RAB28: variants seen among roughly 807,000 people sequenced by gnomAD.
The protein encoded by RAB28 is ras-related protein Rab-28.
A neutral mutation model predicts 31.7 loss-of-function variants in RAB28; 24 were observed. The ratio of observed to expected loss-of-function variants is 0.76; its 90% CI spans 0.55 to 1.06. RAB28 has a LOEUF of 1.06. Ranked by LOEUF, RAB28 falls within the 50% of genes least tolerant of loss-of-function variation. RAB28 has a pLI of 0.00. For missense variants in RAB28, 254 were observed against 258.5 expected (o/e 0.98, Z 0.12); for synonymous variants, 100 against 90.4 (o/e 1.11, Z -0.60).
intron 4 of RAB28, among the ~76,000 whole-genome samples, chr4:13,431,611 T>C (rs974679003): frequency 6.6e-5 from 10 of 152,000 alleles, no homozygotes; most frequent in Admixed American, 2.6e-4. Context: ...GTGTCAGCCC[T>C]TATATCCAAT....
intron 4 of RAB28, among the ~76,000 whole-genome samples, chr4:13,402,544 T>C (rs1464908430): frequency 3.3e-5 from 5 of 152,342 alleles, no homozygotes; most frequent in Admixed American, 3.3e-4. Context: ...ATATAGTTAC[T>C]TCAACTTTCT....
chr4:13,371,095 T>A (rs972557942), intron 6 of RAB28: 1 of 985,074 alleles, frequency 1.0e-6, no homozygotes, highest in East Asian at 1.1e-4. Context: ...TGTGACTACA[T>A]TTATAAATAA....
intron 4 of RAB28, among the ~76,000 whole-genome samples, chr4:13,412,741 G>A (rs1314056434): frequency 6.6e-6 from 1 of 152,018 alleles, no homozygotes; most frequent in Non-Finnish European, 1.5e-5. Flanking sequence ...AGTAGCCATG[G>A]AGCAAATGAA....
At chr4:13,415,939 A>G (rs558100888) in intron 4 of RAB28, among the ~76,000 whole-genome samples, 14 of 152,308 alleles carry the variant, frequency 9.2e-5, no homozygotes, top group African/African-American at 3.4e-4. Context: ...GTTTGTAAAC[A>G]CACCAATCAG....
At chr4:13,453,356 C>T (rs1341128080) in intron 4 of RAB28, among the ~76,000 whole-genome samples, 1 of 152,002 alleles carries the variant, frequency 6.6e-6, no homozygotes, top group Non-Finnish European at 1.5e-5. Context: ...TCCTTACTTC[C>T]TTATTGCTTA....
At chr4:13,391,008 G>C (rs537807461) in intron 4 of RAB28, among the ~76,000 whole-genome samples, 35 of 152,302 alleles carry the variant, frequency 2.3e-4, no homozygotes, top group African/African-American at 7.9e-4. Flanking sequence ...AGGACTTCAT[G>C]TCTAAAACAC....
At chr4:13,457,298 T>C (rs985495615) in intron 4 of RAB28, among the ~76,000 whole-genome samples, 2 of 152,112 alleles carry the variant, frequency 1.3e-5, no homozygotes, top group African/African-American at 2.4e-5. Flanking sequence ...AGAAAATAAG[T>C]ACATACTATT....
chr4:13,422,625 T>A lies in RAB28; in HGVS notation c.391+38074A>T, dbSNP rs563167876. On this transcript the variant is annotated intron_variant, in intron 4 of 6. Coordinates refer to ENST00000330852, the MANE Select transcript of RAB28 (RefSeq NM_001017979.3). ...GGGACATGGACGAAGCTGGAAACCATCATTCTCAGCAAACTATCTTAAGGA... is the reference window on the plus strand; with the variant it reads ...GGGACATGGACGAAGCTGGAAACCAACATTCTCAGCAAACTATCTTAAGGA... 3.9e-5 allele frequency among the ~76,000 whole-genome samples: 6 copies of A among 152,112 alleles called. No individual in the cohort carries two copies. In the South Asian group the frequency reaches 1.2e-3, roughly 32 times the overall value.
chr4:13,371,296 C>CG, intron 6 of RAB28: 3 of 985,156 alleles, frequency 3.0e-6, no homozygotes, highest in Non-Finnish European at 3.6e-6. Flanking sequence ...AGGTATGAAT[C>CG]GGGGGGTACA....
At chr4:13,463,808 T>G (rs550962457) in intron 3 of RAB28, among the ~76,000 whole-genome samples, 15 of 152,078 alleles carry the variant, frequency 9.9e-5, no homozygotes, top group Non-Finnish European at 2.2e-4. Flanking sequence ...TGTGGTGAAA[T>G]TCTGAGACGA....
intron 4 of RAB28, among the ~76,000 whole-genome samples, chr4:13,383,803 T>C (rs1287995969): frequency 6.6e-6 from 1 of 152,216 alleles, no homozygotes; most frequent in Admixed American, 6.5e-5. Context: ...AAGGCGTGCC[T>C]GTGCTCCCAC....
intron 3 of RAB28, among the ~76,000 whole-genome samples, chr4:13,462,977 C>A (rs927344677): frequency 1.6e-4 from 24 of 152,190 alleles, no homozygotes; most frequent in African/African-American, 5.8e-4. Flanking sequence ...GGATTCCAGT[C>A]CTGACCCCAT....
chr4:13,460,328 A>G (rs572910804), intron 4 of RAB28, among the ~76,000 whole-genome samples: 33 of 152,300 alleles, frequency 2.2e-4, no homozygotes, highest in African/African-American at 7.0e-4. Context: ...CTATCCTCAC[A>G]TGGCAGAGAG....
In RAB28 at chr4:13,390,917, A is replaced by G. The variant is rs192440347; in HGVS notation, c.392-9323T>C. Among the ~76,000 whole-genome samples, 520 of 152,338 alleles carry G rather than the reference A, an allele frequency of 3.4e-3. 3 individuals carry two copies. Among genetic ancestry groups the G allele is most frequent in the African/African-American group, 0.012 (479 of 41,578 alleles). On this transcript the variant is annotated intron_variant, in intron 4 of 6. Transcript: ENST00000330852. The stretch of plus-strand genomic sequence containing the variant: ...ACAAAAATTAATTCAAGATGGATTA[A>G]AGACTTAAATGTTAGACCTAAAACC...
intron 4 of RAB28, among the ~76,000 whole-genome samples, chr4:13,397,044 G>A (rs1729900392): frequency 6.6e-6 from 1 of 152,116 alleles, no homozygotes; most frequent in African/African-American, 2.4e-5. Context: ...TATTTGTTGA[G>A]TGAAGAGAAA....
intron 4 of RAB28, among the ~76,000 whole-genome samples, chr4:13,427,905 G>C (rs773073273): frequency 6.6e-6 from 1 of 152,134 alleles, no homozygotes. Context: ...TGCTTTATTC[G>C]GCTGGGAGCT....
At chr4:13,464,674 C>T (rs1239171308) in intron 3 of RAB28, among the ~76,000 whole-genome samples, 1 of 152,002 alleles carries the variant, frequency 6.6e-6, no homozygotes, top group Non-Finnish European at 1.5e-5. Flanking sequence ...CCTCTGGCAC[C>T]CACAGCTAAA....
intron 4 of RAB28, among the ~76,000 whole-genome samples, chr4:13,403,014 CGAACTCCT>C (rs1175996074): frequency 2.0e-5 from 3 of 152,070 alleles, no homozygotes; most frequent in Non-Finnish European, 4.4e-5. Context: ...TGGCTGATCT[CGAACTCCT>C]GAGCTCTGAT....
At chr4:13,379,025 G>T (rs1729027954) in intron 5 of RAB28, among the ~76,000 whole-genome samples, 1 of 151,356 alleles carries the variant, frequency 6.6e-6, no homozygotes, top group South Asian at 2.1e-4. Flanking sequence ...GGCCAAGATG[G>T]TGAAACCCCA....
Sources: allele counts gnomAD v4.1 joint callset (sites outside exome capture counted in the v4.1 genomes callset), GRCh38; gene constraint gnomAD v4.1.1; transcripts MANE v1.5; gene names NCBI Gene and HGNC (gene_info 2026-07-23, HGNC 2026-07-21).